ZNF461: variants seen among roughly 807,000 people sequenced by gnomAD.
The protein encoded by ZNF461 is zinc finger protein 461.
A neutral mutation model predicts 18.3 loss-of-function variants in ZNF461; 16 were observed. The ratio of observed to expected loss-of-function variants is 0.88; its 90% CI spans 0.59 to 1.33. ZNF461 has a LOEUF of 1.33. Among genes scored for constraint, ZNF461 ranks in the 40% most tolerant of loss-of-function variants. The probability of loss-of-function intolerance (pLI) is 0.00; values close to 1 mark genes in which losing one functional copy is unlikely to be tolerated. For missense variants in ZNF461, 595 were observed against 669.9 expected (o/e 0.89, Z 1.23); for synonymous variants, 179 against 216.9 (o/e 0.83, Z 1.54).
In ZNF461 at chr19:36,639,294, G is replaced by A. The variant is rs927387745; in HGVS notation, c.1051C>T (p.His351Tyr). 3.1e-6 allele frequency: 5 copies of A among 1,613,928 alleles called. No individual in the cohort carries two copies. Among genetic ancestry groups the A allele is most frequent in the African/African-American group, 1.3e-5 (1 of 74,880 alleles). ...GFQLTEHLRL[H>Y]TGEKPYECKE... is the part of the protein sequence containing the mutation. ...CATTCATAAGGTTTCTCTCCAGTATGGAGTCGCAGGTGTTCAGTAAGTTGA... is the reference window on the plus strand; with the variant it reads ...CATTCATAAGGTTTCTCTCCAGTATAGAGTCGCAGGTGTTCAGTAAGTTGA... The change falls in exon 6 of 6, where the codon CAT becomes TAT. Residue 351 changes from histidine (H) to tyrosine (Y), a missense_variant. His to Tyr is a moderately conservative substitution (Grantham distance 83). Coordinates refer to ENST00000588268, the MANE Select transcript of ZNF461 (RefSeq NM_153257.5).
chr19:36,658,107 A>G (rs2037755314), intron 3 of ZNF461, 192 bp downstream of exon 3: 1 of 583,604 alleles, frequency 1.7e-6, no homozygotes, highest in African/African-American at 1.9e-5. Flanking sequence ...AGAACGTGTA[A>G]GGATGGGGAA....
chr19:36,640,083 C>T lies in ZNF461; in HGVS notation c.302-40G>A, dbSNP rs1443859667. 6.0e-6 allele frequency: 9 copies of T among 1,492,460 alleles called. No homozygotes were observed. In the East Asian group the frequency reaches 6.8e-5, roughly 11 times the overall value. The allele number at this position is 1,492,460 out of a possible 1,614,324, so 92.5% of individuals were successfully genotyped here. On this transcript the variant is annotated intron_variant, in intron 5 of 5. Transcript: ENST00000588268. ...ATATATTTTAACTCCTGGTTTTGTA[C>T]TATAAGAGAAATAAAATATCTATGG...
Position 36,639,128 on chromosome 19 carries a change from AT to A in ZNF461, c.1216del (p.Ile406PhefsTer23). The A allele has an allele frequency of 6.2e-7, 1 of 1,613,554 alleles. No individual in the cohort carries two copies. The highest frequency in any genetic ancestry group is 1.7e-5 in the Admixed American group (1 of 59,922). On this transcript the variant is annotated frameshift_variant, in exon 6 of 6. Coordinates refer to ENST00000588268, the MANE Select transcript of ZNF461 (RefSeq NM_153257.5). LOFTEE classifies it low-confidence loss of function (END_TRUNC). Reference sequence around the variant, plus strand: ...TTCATAAGGTTTCTTGCCAGAATGAATTTTCTGATGGTGTGAGAAGCTTGAG... The same window carrying A: ...TTCATAAGGTTTCTTGCCAGAATGAATTTCTGATGGTGTGAGAAGCTTGAG... ...YHSSFSHHQK[I>X]HSGKKPYECH...
intron 2 of ZNF461, among the ~76,000 whole-genome samples, chr19:36,662,018 T>C (rs1384582948): frequency 6.6e-6 from 1 of 151,934 alleles, no homozygotes; most frequent in Non-Finnish European, 1.5e-5. Flanking sequence ...TACAAGCATG[T>C]GCCACCACGT....
rs561440985 is a variant in ZNF461, at chr19:36,657,145, T to C, written c.137-602A>G. 1.8e-4 allele frequency among the ~76,000 whole-genome samples: 27 copies of C among 151,898 alleles called. No homozygotes were observed. In the South Asian group the frequency reaches 5.2e-3, roughly 29 times the overall value. ...TCCTTTTTTTTTTTAATGTTAACTG[T>C]ACAAAGTTCTTTAAAAATAACTTCC... On this transcript the variant is annotated intron_variant, in intron 3 of 5. Transcript: ENST00000588268.
Position 36,638,519 on chromosome 19 carries a change from AGT to A in ZNF461, c.*132_*133del. The A allele has an allele frequency of 1.5e-6, 1 of 678,302 alleles. No individual in the cohort carries two copies. The highest frequency in any genetic ancestry group is 2.8e-5 in the South Asian group (1 of 35,598). The allele number at this position is 678,302 out of a possible 1,614,324, so 42.0% of individuals were successfully genotyped here. A position where few individuals can be genotyped will look rare whatever the true frequency, so the allele number is the denominator to read the frequency against. On this transcript the variant is annotated 3_prime_UTR_variant, in exon 6 of 6. Transcript: ENST00000588268. The stretch of plus-strand genomic sequence containing the variant: ...AAAATGAGACCAAAATTTACACTTT[AGT>A]TATCCACTTTCTCACTTAAAAACAT...
At chr19:36,660,646 T>C (rs1372949972) in intron 2 of ZNF461, among the ~76,000 whole-genome samples, 1 of 151,754 alleles carries the variant, frequency 6.6e-6, no homozygotes, top group African/African-American at 2.4e-5. Context: ...TCAAAACCTA[T>C]GATTCTATAC....
At chr19:36,659,377 GT>G (rs2037779565) in intron 2 of ZNF461, among the ~76,000 whole-genome samples, 1 of 152,176 alleles carries the variant, frequency 6.6e-6, no homozygotes. Context: ...TTTTGGGTTG[GT>G]TTATTATCTG....
chr19:36,643,641 C>T lies in ZNF461; in HGVS notation c.301+153G>A, dbSNP rs1012082896. ...ACTAGAAGTGTGATAACGTCACATT[C>T]TGAAATCTAACAGAATGCGTGATTA... On this transcript the variant is annotated intron_variant, in intron 5 of 5. Coordinates refer to ENST00000588268, the MANE Select transcript of ZNF461 (RefSeq NM_153257.5). 4 of 633,602 alleles carry T rather than the reference C, an allele frequency of 6.3e-6. No homozygotes were observed. In the African/African-American group the frequency reaches 7.7e-5, roughly 12 times the overall value. 39.2% of individuals were successfully genotyped at this position (633,602 alleles called of 1,614,324 possible).
intron 2 of ZNF461, among the ~76,000 whole-genome samples, chr19:36,660,716 A>G (rs1458270358): frequency 2.4e-4 from 36 of 151,730 alleles, no homozygotes; most frequent in Admixed American, 2.2e-3. Context: ...AAAAAAAGAC[A>G]AACAAAAGCT....
chr19:36,652,216 G>C (rs2037638769), intron 4 of ZNF461, among the ~76,000 whole-genome samples: 4 of 151,988 alleles, frequency 2.6e-5, no homozygotes, highest in Admixed American at 2.6e-4. Flanking sequence ...TTCTGGCCAG[G>C]CACGGTGGCA....
intron 2 of ZNF461, 77 bp from the exon 3 acceptor site, chr19:36,658,502 A>C: frequency 7.1e-7 from 1 of 1,400,444 alleles, no homozygotes; most frequent in Non-Finnish European, 9.8e-7. Context: ...TGCTAAAAGA[A>C]GGTACTGCAA....
chr19:36,656,173 A>G (rs1202773116), intron 4 of ZNF461, among the ~76,000 whole-genome samples: 1 of 151,270 alleles, frequency 6.6e-6, no homozygotes, highest in Non-Finnish European at 1.5e-5. Context: ...AATTTTTTGT[A>G]TTTTTAGTAG....
At chr19:36,650,201 A>G (rs1447883187) in intron 4 of ZNF461, among the ~76,000 whole-genome samples, 1 of 152,098 alleles carries the variant, frequency 6.6e-6, no homozygotes, top group Non-Finnish European at 1.5e-5. Flanking sequence ...AATAATAATA[A>G]GAATCCATGA....
chr19:36,652,113 A>G (rs1371854681), intron 4 of ZNF461, among the ~76,000 whole-genome samples: 1 of 152,070 alleles, frequency 6.6e-6, no homozygotes, highest in African/African-American at 2.4e-5. Context: ...GCATCCATAG[A>G]AAAAAAAGAA....
intron 4 of ZNF461, among the ~76,000 whole-genome samples, chr19:36,655,898 A>G (rs1265288102): frequency 6.6e-6 from 1 of 151,364 alleles, no homozygotes. Context: ...GGATAATCCA[A>G]TTTTCTCCAT....
chr19:36,640,909 C>T (rs543409787), intron 5 of ZNF461, among the ~76,000 whole-genome samples: 2 of 152,298 alleles, frequency 1.3e-5, no homozygotes, highest in African/African-American at 4.8e-5. Context: ...TTTAAAACTT[C>T]AGCTCCTAGG....
intron 2 of ZNF461, among the ~76,000 whole-genome samples, chr19:36,662,952 C>T (rs1332453022): frequency 6.6e-6 from 1 of 152,036 alleles, no homozygotes; most frequent in Non-Finnish European, 1.5e-5. Flanking sequence ...ATTTTGTCTA[C>T]TTGGCCTGGT....
At chr19:36,641,860 C>A (rs1030310388) in intron 5 of ZNF461, among the ~76,000 whole-genome samples, 1 of 152,154 alleles carries the variant, frequency 6.6e-6, no homozygotes, top group Non-Finnish European at 1.5e-5. Flanking sequence ...TTATCTATAA[C>A]AAGCCACTCC....
Sources: allele counts gnomAD v4.1 joint callset (sites outside exome capture counted in the v4.1 genomes callset), GRCh38; gene constraint gnomAD v4.1.1; transcripts MANE v1.5; gene names NCBI Gene and HGNC (gene_info 2026-07-23, HGNC 2026-07-21).